Variants in RAPGEF2 observed in about 807,000 individuals in gnomAD.
The protein encoded by RAPGEF2 is Rap guanine nucleotide exchange factor 2.
RAPGEF2 carries 54 observed loss-of-function variants against 186.7 expected under a neutral mutation model. That is an observed-to-expected ratio of 0.29 (90% CI 0.23 to 0.36). The LOEUF is 0.36. Ranked by LOEUF, RAPGEF2 falls within the 10% of genes least tolerant of loss-of-function variation. RAPGEF2 has a pLI of 1.00. For synonymous variants in RAPGEF2, 712 were observed against 705.9 expected, an observed-to-expected ratio of 1.01 and a Z score of -0.14; for missense variants, 1,532 against 2,045.0, an observed-to-expected ratio of 0.75 and a Z score of 4.84.
intron 1 of RAPGEF2, among the ~76,000 whole-genome samples, chr4:159,120,188 T>A (rs1016610166): frequency 3.9e-5 from 6 of 152,100 alleles, no homozygotes; most frequent in African/African-American, 1.4e-4. Context: ...CCTGGCTAAT[T>A]TTTGTATTTT....
chr4:159,201,699 C>T (rs2111345003), intron 3 of RAPGEF2, among the ~76,000 whole-genome samples: 1 of 152,244 alleles, frequency 6.6e-6, no homozygotes, highest in Non-Finnish European at 1.5e-5. Flanking sequence ...TGATGATAGG[C>T]TGTGAAGAGG....
At chr4:159,213,116 A>G (rs1363010848) in intron 4 of RAPGEF2, among the ~76,000 whole-genome samples, 1 of 152,206 alleles carries the variant, frequency 6.6e-6, no homozygotes, top group Non-Finnish European at 1.5e-5. Context: ...CCAGTACTAT[A>G]TATAGGTTAT....
chr4:159,112,035 CTT>C (rs1357684129), intron 1 of RAPGEF2, among the ~76,000 whole-genome samples: 1 of 152,186 alleles, frequency 6.6e-6, no homozygotes, highest in Non-Finnish European at 1.5e-5. Context: ...ATTTCTATAA[CTT>C]TGTCATTTCA....
chr4:159,238,845 C>G lies in RAPGEF2; in HGVS notation c.318C>G (p.Gly106=). 6.6e-7 allele frequency: 1 copy of G among 1,524,412 alleles called. No homozygotes were observed. The highest frequency in any genetic ancestry group is 8.7e-7 in the Non-Finnish European group (1 of 1,143,506). 94.4% of individuals were successfully genotyped at this position (1,524,412 alleles called of 1,614,324 possible). A position where few individuals can be genotyped will look rare whatever the true frequency, so the allele number is the denominator to read the frequency against. Residue 106 remains glycine, a synonymous_variant, in exon 5 of 30, where the codon GGC becomes GGG. Transcript: ENST00000691494. ...GKRSAGSFRR[G]CECIVLEPSE... The stretch of plus-strand genomic sequence containing the variant: ...GTTCTGCAGGAAGTTTTAGGCGTGG[C>G]TGTGAATGCATTGTTTTAGAGCCTT...
chr4:159,181,372 T>C (rs1315035396), intron 1 of RAPGEF2, among the ~76,000 whole-genome samples: 2 of 152,176 alleles, frequency 1.3e-5, no homozygotes, highest in Non-Finnish European at 2.9e-5. Flanking sequence ...CTAATACTTT[T>C]CCAGATACAC....
intron 19 of RAPGEF2, 101 bp from the exon 20 acceptor site, chr4:159,341,463 T>C (rs928904039): frequency 1.0e-4 from 123 of 1,203,062 alleles, no homozygotes; most frequent in Middle Eastern, 2.5e-4. Flanking sequence ...TTCAAATCAG[T>C]GCTCTCTCAA....
chr4:159,256,047 A>AT (rs1756121360), intron 7 of RAPGEF2, among the ~76,000 whole-genome samples: 1 of 152,048 alleles, frequency 6.6e-6, no homozygotes, highest in African/African-American at 2.4e-5. Flanking sequence ...GATTTCTGAA[A>AT]TTCATCTCTG....
intron 1 of RAPGEF2, among the ~76,000 whole-genome samples, chr4:159,160,553 T>C (rs1304600838): frequency 6.6e-6 from 1 of 152,256 alleles, no homozygotes; most frequent in East Asian, 1.9e-4. Flanking sequence ...CAAACTTCAG[T>C]AGCAATTTGA....
At chr4:159,306,754 G>A (rs1763345816) in intron 8 of RAPGEF2, among the ~76,000 whole-genome samples, 1 of 152,078 alleles carries the variant, frequency 6.6e-6, no homozygotes, top group Non-Finnish European at 1.5e-5. Context: ...TAAGCTGTAG[G>A]TTTGTCTTAT....
intron 5 of RAPGEF2, 84 bp downstream of exon 5, chr4:159,238,968 G>T: frequency 2.7e-6 from 2 of 729,624 alleles, no homozygotes; most frequent in Non-Finnish European, 4.0e-6. Context: ...TATAATATTA[G>T]ATTTTTGTTG....
At chr4:159,330,149 C>G in intron 12 of RAPGEF2, 139 bp downstream of exon 12, 1 of 899,312 alleles carries the variant, frequency 1.1e-6, no homozygotes, top group Non-Finnish European at 1.7e-6. Flanking sequence ...GTATGATCTC[C>G]TAGTGAATAG....
chr4:159,340,903 C>T (rs146743850), intron 19 of RAPGEF2, among the ~76,000 whole-genome samples: 203 of 152,236 alleles, frequency 1.3e-3, no homozygotes, highest in Middle Eastern at 3.4e-3. Context: ...ATTTTGGCAC[C>T]GGCATTAACT....
At chr4:159,217,681 G>T (rs1751114640) in intron 4 of RAPGEF2, among the ~76,000 whole-genome samples, 1 of 152,164 alleles carries the variant, frequency 6.6e-6, no homozygotes, top group Admixed American at 6.5e-5. Context: ...CCAGTAATGG[G>T]ATGGCTGGGT....
intron 1 of RAPGEF2, among the ~76,000 whole-genome samples, chr4:159,156,727 A>T (rs911745545): frequency 5.3e-5 from 8 of 152,168 alleles, no homozygotes; most frequent in Non-Finnish European, 1.0e-4. Flanking sequence ...CCTATGAGTG[A>T]GAACCTGCGG....
At chr4:159,350,024 G>C in intron 25 of RAPGEF2, 113 bp from the exon 26 acceptor site, 1 of 607,404 alleles carries the variant, frequency 1.6e-6, no homozygotes, top group African/African-American at 1.9e-5. Context: ...TAAATAGGTT[G>C]AACCTCAGTG....
At chr4:159,119,475 A>G (rs1739425846) in intron 1 of RAPGEF2, among the ~76,000 whole-genome samples, 1 of 152,210 alleles carries the variant, frequency 6.6e-6, no homozygotes, top group Admixed American at 6.5e-5. Flanking sequence ...AAAGATGAAG[A>G]TTAATGGGTG....
chr4:159,165,159 G>C (rs987267404), intron 1 of RAPGEF2, among the ~76,000 whole-genome samples: 4 of 151,942 alleles, frequency 2.6e-5, no homozygotes, highest in South Asian at 2.1e-4. Flanking sequence ...AATTATCTCC[G>C]ATATTTGATT....
intron 1 of RAPGEF2, among the ~76,000 whole-genome samples, chr4:159,112,782 T>C (rs565917366): frequency 2.6e-5 from 4 of 152,266 alleles, no homozygotes; most frequent in Admixed American, 2.6e-4. Flanking sequence ...ATGAAAAATA[T>C]CATCATAGAT....
chr4:159,296,003 C>T (rs1315378546), intron 7 of RAPGEF2, among the ~76,000 whole-genome samples: 1 of 152,034 alleles, frequency 6.6e-6, no homozygotes, highest in Non-Finnish European at 1.5e-5. Flanking sequence ...TTATAATTCA[C>T]ATGATGGAAT....
Sources: gnomAD v4.1 joint callset for allele counts (sites outside exome capture counted in the v4.1 genomes callset) on GRCh38, gnomAD v4.1.1 for gene constraint, MANE v1.5 for transcripts, NCBI Gene and HGNC (gene_info 2026-07-23, HGNC 2026-07-21) for gene names.